The following CENPC variants were observed in gnomAD, a reference collection of about 807,000 sequenced individuals.
CENPC encodes the protein CENP-C 1.
A neutral mutation model predicts 112.1 loss-of-function variants in CENPC; 63 were observed. The observed-to-expected ratio is 0.56, with a 90% confidence interval of 0.46 to 0.69. CENPC has a LOEUF of 0.69. Ranked by LOEUF, CENPC falls within the 30% of genes least tolerant of loss-of-function variation. CENPC has a pLI of 0.00. For missense variants in CENPC, 1,000 were observed against 1,103.8 expected, an observed-to-expected ratio of 0.91 and a Z score of 1.33; for synonymous variants, 333 against 367.6, an observed-to-expected ratio of 0.91 and a Z score of 1.08.
At chr4:67,491,605 T>G (rs1024216488) in intron 16 of CENPC, among the ~76,000 whole-genome samples, 2 of 148,978 alleles carry the variant, frequency 1.3e-5, no homozygotes, top group South Asian at 4.3e-4. Context: ...TTACATGACC[T>G]GCTAGAGACT....
At chr4:67,516,554 C>T (rs1726061558) in intron 7 of CENPC, among the ~76,000 whole-genome samples, 1 of 151,942 alleles carries the variant, frequency 6.6e-6, no homozygotes, top group Admixed American at 6.5e-5. Context: ...CCTGACAAAT[C>T]TTATAATGTA....
chr4:67,476,346 T>C lies in CENPC; in HGVS notation c.2671-1368A>G, dbSNP rs115963212. Among the ~76,000 whole-genome samples the C allele has an allele frequency of 3.0e-3, 458 of 151,972 alleles. 2 individuals are homozygous for C. Among genetic ancestry groups the C allele is most frequent in the African/African-American group, 0.01 (418 of 41,448 alleles). ...GCTGAACAACCGTGAGTGCCCAAAGTGTGAAAGGGGGGAAAGTCTGCCTCC... is the reference window on the plus strand; with the variant it reads ...GCTGAACAACCGTGAGTGCCCAAAGCGTGAAAGGGGGGAAAGTCTGCCTCC... On this transcript the variant is annotated intron_variant, in intron 17 of 18. Transcript: ENST00000273853.
rs1171430351 is a variant in CENPC, at chr4:67,505,114, C to T, written c.2131+91G>A. ...GAGGTAGGTACTCAATATACACTCGCCATCAGTGACAATGTAAACAAAACA... is the reference window on the plus strand; with the variant it reads ...GAGGTAGGTACTCAATATACACTCGTCATCAGTGACAATGTAAACAAAACA... On this transcript the variant is annotated intron_variant, in intron 12 of 18. Coordinates refer to ENST00000273853, the MANE Select transcript of CENPC (RefSeq NM_001812.4). 24 of 869,930 alleles carry T rather than the reference C, an allele frequency of 2.8e-5. No individual in the cohort carries two copies. The East Asian group carries it at 5.9e-4, about 21-fold the overall frequency. 53.9% of individuals were successfully genotyped at this position (869,930 alleles called of 1,614,324 possible).
intron 5 of CENPC, among the ~76,000 whole-genome samples, chr4:67,527,546 GC>G (rs1726421601): frequency 7.8e-6 from 1 of 128,126 alleles, no homozygotes; most frequent in Non-Finnish European, 1.6e-5. Flanking sequence ...CTGTACCCAG[GC>G]TGGAGTGGGG....
At chr4:67,491,142 C>A (rs1725247136) in intron 16 of CENPC, among the ~76,000 whole-genome samples, 1 of 149,888 alleles carries the variant, frequency 6.7e-6, no homozygotes, top group Non-Finnish European at 1.5e-5. Context: ...ATTATTACTA[C>A]CTTTCTTTTT....
chr4:67,531,889 A>T (rs1560442256), intron 4 of CENPC, among the ~76,000 whole-genome samples: 1 of 152,224 alleles, frequency 6.6e-6, no homozygotes, highest in Non-Finnish European at 1.5e-5. Context: ...GTGAAAATTG[A>T]CAAATGGGAT....
chr4:67,500,958 A>G (rs1725575381), intron 12 of CENPC, among the ~76,000 whole-genome samples: 1 of 152,184 alleles, frequency 6.6e-6, no homozygotes, highest in Non-Finnish European at 1.5e-5. Context: ...AGAGAAAAGC[A>G]GTGTCTTTAC....
Position 67,472,448 on chromosome 4 carries a change from G to C in CENPC, c.*157C>G. On this transcript the variant is annotated 3_prime_UTR_variant, in exon 19 of 19. Coordinates refer to ENST00000273853, the MANE Select transcript of CENPC (RefSeq NM_001812.4). Reference sequence around the variant, plus strand: ...CACTGAAAAATCAGAAAAAACATGTGAGTTAGAAATGTTTATCAAATACAA... The same window carrying C: ...CACTGAAAAATCAGAAAAAACATGTCAGTTAGAAATGTTTATCAAATACAA... 1 of 998,692 alleles carries C rather than the reference G, an allele frequency of 1.0e-6. No homozygotes were observed. The highest frequency in any genetic ancestry group is 1.3e-6 in the Non-Finnish European group (1 of 768,394). 61.9% of individuals were successfully genotyped at this position (998,692 alleles called of 1,614,324 possible).
At chr4:67,523,957 T>A (rs931277768) in intron 5 of CENPC, among the ~76,000 whole-genome samples, 1 of 151,422 alleles carries the variant, frequency 6.6e-6, no homozygotes, top group Non-Finnish European at 1.5e-5. Context: ...ACAATCTGAA[T>A]AACAAAATAA....
chr4:67,478,235 G>T (rs1724859612), intron 17 of CENPC, among the ~76,000 whole-genome samples: 1 of 152,044 alleles, frequency 6.6e-6, no homozygotes, highest in African/African-American at 2.4e-5. Flanking sequence ...TCATCACCTA[G>T]CCACACAGTC....
chr4:67,529,098 T>C (rs1228854421), intron 5 of CENPC, among the ~76,000 whole-genome samples: 4 of 152,198 alleles, frequency 2.6e-5, no homozygotes, highest in African/African-American at 9.6e-5. Context: ...ATATATTTAT[T>C]GGCCAATTGC....
chr4:67,490,848 A>G (rs1725231649), intron 16 of CENPC, among the ~76,000 whole-genome samples: 2 of 13,196 alleles, frequency 1.5e-4, no homozygotes, highest in African/African-American at 3.1e-4. Context: ...ATATATATAT[A>G]TATATATATA....
intron 17 of CENPC, among the ~76,000 whole-genome samples, chr4:67,489,058 G>A (rs1725165510): frequency 6.6e-6 from 1 of 151,872 alleles, no homozygotes. Context: ...ACTGAAAGAT[G>A]TTCCTTAGCT....
In CENPC at chr4:67,472,027, AG is replaced by A. The variant is rs1442259984; in HGVS notation, c.*577del. On this transcript the variant is annotated 3_prime_UTR_variant, in exon 19 of 19. Coordinates refer to ENST00000273853, the MANE Select transcript of CENPC (RefSeq NM_001812.4). ...AAGCCAAGGAATGCCAGAAATTGCC[AG>A]TAAACCACCAGAAGTTAGGAATAAG... is the stretch of plus-strand genomic sequence containing the variant. 1 of 152,260 alleles carries A rather than the reference AG, an allele frequency of 6.6e-6. No individual in the cohort carries two copies. Among genetic ancestry groups the A allele is most frequent in the Non-Finnish European group, 1.5e-5 (1 of 68,042 alleles). The allele number at this position is 152,260 out of a possible 1,614,324, so 9.4% of individuals were successfully genotyped here.
At chr4:67,517,843 A>AATAC (rs1239559247) in intron 7 of CENPC, among the ~76,000 whole-genome samples, 12 of 152,090 alleles carry the variant, frequency 7.9e-5, no homozygotes, top group African/African-American at 1.2e-4. Flanking sequence ...TCTCAAAATA[A>AATAC]ATACATACAT....
chr4:67,535,303 A>C (rs1199983093), intron 4 of CENPC, among the ~76,000 whole-genome samples: 1 of 152,060 alleles, frequency 6.6e-6, no homozygotes, highest in Admixed American at 6.5e-5. Flanking sequence ...CCACCAAAAA[A>C]GGAGAGGCCA....
chr4:67,529,524 C>T (rs1726483322), intron 5 of CENPC, among the ~76,000 whole-genome samples: 1 of 151,994 alleles, frequency 6.6e-6, no homozygotes, highest in Admixed American at 6.6e-5. Flanking sequence ...TGGAGTTTTA[C>T]CATGTTGGCC....
rs1724646096 is a variant in CENPC, at chr4:67,471,010, G to C, written c.*1595C>G. The stretch of plus-strand genomic sequence containing the variant: ...GCATGCACAGGGGAGACTCAAGAGA[G>C]CATGGCAAATGTAAAAACCAAGGGG... On this transcript the variant is annotated 3_prime_UTR_variant, in exon 19 of 19. Transcript: ENST00000273853. The C allele has an allele frequency of 6.6e-6, 1 of 150,914 alleles. No individual in the cohort carries two copies. Among genetic ancestry groups the C allele is most frequent in the East Asian group, 1.9e-4 (1 of 5,190 alleles). The allele number at this position is 150,914 out of a possible 1,614,324, so 9.3% of individuals were successfully genotyped here.
intron 18 of CENPC, among the ~76,000 whole-genome samples, chr4:67,474,111 C>T (rs1560416002): frequency 6.6e-6 from 1 of 151,562 alleles, no homozygotes; most frequent in Non-Finnish European, 1.5e-5. Context: ...GTCCCCTAGG[C>T]TGGAGTGCAG....
Sources: allele counts gnomAD v4.1 joint callset (sites outside exome capture counted in the v4.1 genomes callset), GRCh38; gene constraint gnomAD v4.1.1; transcripts MANE v1.5; gene names NCBI Gene and HGNC (gene_info 2026-07-23, HGNC 2026-07-21).